The following CCSER1 variants were observed in gnomAD, a reference collection of about 807,000 sequenced individuals.
CCSER1 encodes the protein coiled-coil serine rich protein 1.
A neutral mutation model predicts 82.0 loss-of-function variants in CCSER1; 41 were observed. The observed-to-expected ratio is 0.50, with a 90% CI of 0.39 to 0.65. The LOEUF is 0.65. CCSER1 is among the 30% of genes least tolerant of loss of function. The pLI is 0.00. For missense variants in CCSER1, 1,119 were observed against 1,064.2 expected, an observed-to-expected ratio of 1.05 and a Z score of -0.72; for synonymous variants, 414 against 383.9, an observed-to-expected ratio of 1.08 and a Z score of -0.92.
At chr4:90,928,191 T>C (rs866311099) in intron 9 of CCSER1, among the ~76,000 whole-genome samples, 5 of 152,092 alleles carry the variant, frequency 3.3e-5, no homozygotes, top group African/African-American at 1.2e-4. Flanking sequence ...AATTGAGTTA[T>C]ATATTCCAGG....
chr4:90,932,964 A>AAG (rs1561384671), intron 9 of CCSER1, among the ~76,000 whole-genome samples: 1 of 46,512 alleles, frequency 2.1e-5, no homozygotes, highest in East Asian at 4.8e-4. Context: ...GAAAGAAAGA[A>AAG]AGAAAGAAAG....
intron 10 of CCSER1, among the ~76,000 whole-genome samples, chr4:91,136,116 C>G (rs1581622597): frequency 1.3e-5 from 2 of 152,056 alleles, no homozygotes; most frequent in South Asian, 4.1e-4. Flanking sequence ...TTTTGTCATC[C>G]AAAATTCCTC....
intron 10 of CCSER1, among the ~76,000 whole-genome samples, chr4:91,520,633 A>G (rs1246897694): frequency 6.6e-6 from 1 of 152,086 alleles, no homozygotes; most frequent in Non-Finnish European, 1.5e-5. Flanking sequence ...GTTTCTTCAT[A>G]TGGATTCAAG....
chr4:90,893,550 T>C (rs533031367), intron 8 of CCSER1, among the ~76,000 whole-genome samples: 117 of 152,204 alleles, frequency 7.7e-4, no homozygotes, highest in African/African-American at 2.6e-3. Flanking sequence ...GTCCTTCCGA[T>C]GCTGTCTCTG....
At chr4:90,359,353 A>G (rs1470178771) in intron 3 of CCSER1, among the ~76,000 whole-genome samples, 1 of 152,216 alleles carries the variant, frequency 6.6e-6, no homozygotes, top group Non-Finnish European at 1.5e-5. Flanking sequence ...TAAATTCAGT[A>G]GAGTATACCT....
intron 5 of CCSER1, among the ~76,000 whole-genome samples, chr4:90,487,548 C>T (rs1369668675): frequency 1.3e-5 from 2 of 152,150 alleles, no homozygotes; most frequent in Admixed American, 6.5e-5. Flanking sequence ...TGCATGGGTG[C>T]GTTTGCAGGT....
intron 9 of CCSER1, among the ~76,000 whole-genome samples, chr4:90,925,982 CA>C (rs1238494672): frequency 3.3e-5 from 5 of 151,784 alleles, no homozygotes; most frequent in Non-Finnish European, 7.4e-5. Flanking sequence ...AATACTTAAA[CA>C]AATCAAAAAT....
At chr4:91,449,567 C>G (rs886110099) in intron 10 of CCSER1, among the ~76,000 whole-genome samples, 1 of 152,004 alleles carries the variant, frequency 6.6e-6, no homozygotes, top group Admixed American at 6.6e-5. Context: ...TCTCTCTGAA[C>G]TTCACCATGG....
chr4:90,438,787 T>A (rs745752613), intron 4 of CCSER1, among the ~76,000 whole-genome samples: 4 of 152,010 alleles, frequency 2.6e-5, no homozygotes, highest in Non-Finnish European at 5.9e-5. Context: ...TATCTATCTA[T>A]CTATCTATCT....
At chr4:90,178,841 T>C (rs1733188571) in intron 1 of CCSER1, among the ~76,000 whole-genome samples, 1 of 152,226 alleles carries the variant, frequency 6.6e-6, no homozygotes, top group Non-Finnish European at 1.5e-5. Flanking sequence ...TATTTTTCAA[T>C]AAAATTCTAT....
intron 4 of CCSER1, among the ~76,000 whole-genome samples, chr4:90,456,998 C>T (rs546548240): frequency 2.2e-4 from 33 of 152,292 alleles, no homozygotes; most frequent in Admixed American, 7.8e-4. Flanking sequence ...GGCTCAGATC[C>T]GATGCCTGCC....
chr4:91,247,084 G>A (rs953457230), intron 10 of CCSER1, among the ~76,000 whole-genome samples: 3 of 151,804 alleles, frequency 2.0e-5, no homozygotes, highest in Admixed American at 6.6e-5. Context: ...GGTGGATCAC[G>A]AGGTCAGGAG....
chr4:90,838,850 T>G, intron 8 of CCSER1: 3 of 1,608,484 alleles, frequency 1.9e-6, no homozygotes, highest in Non-Finnish European at 2.5e-6. Context: ...AGAAGTAAAA[T>G]AAGAAGGCAA....
At chr4:90,387,193 G>A (rs1750193378) in intron 3 of CCSER1, among the ~76,000 whole-genome samples, 1 of 151,720 alleles carries the variant, frequency 6.6e-6, no homozygotes, top group South Asian at 2.1e-4. Flanking sequence ...TGTTACTTTA[G>A]TAAAATATTT....
chr4:90,932,961 A>AG lies in CCSER1; in HGVS notation c.2172+9515dup, dbSNP rs1412134531. Reference sequence around the variant, plus strand: ...AAGAAAGAAAGAAAGAAAGAAAGAAAGAAAGAAAGAAAGAAAGAAAGAGAA... The same window carrying AG: ...AAGAAAGAAAGAAAGAAAGAAAGAAAGGAAAGAAAGAAAGAAAGAAAGAGAA... On this transcript the variant is annotated intron_variant, in intron 9 of 10. Transcript: ENST00000509176. 1.4e-3 allele frequency among the ~76,000 whole-genome samples: 60 copies of AG among 41,414 alleles called. 11 individuals are homozygous for AG. The highest frequency in any genetic ancestry group is 0.011 in the African/African-American group (56 of 4,906). 27.2% of individuals were successfully genotyped at this position (41,414 alleles called of 152,430 possible). A position where few individuals can be genotyped will look rare whatever the true frequency, so the allele number is the denominator to read the frequency against.
intron 7 of CCSER1, among the ~76,000 whole-genome samples, chr4:90,725,558 C>G: frequency 6.6e-6 from 1 of 151,234 alleles, no homozygotes; most frequent in East Asian, 1.9e-4. Context: ...ATTTAATCAC[C>G]TATAAAATTA....
chr4:90,894,965 A>G (rs138804488), intron 8 of CCSER1, among the ~76,000 whole-genome samples: 1,919 of 152,104 alleles, frequency 0.013, 28 homozygotes, highest in African/African-American at 0.038. Context: ...ATAAATTTTA[A>G]AACTCTAAAA....
intron 6 of CCSER1, among the ~76,000 whole-genome samples, chr4:90,634,213 A>G (rs1725016833): frequency 1.3e-5 from 2 of 151,766 alleles, no homozygotes; most frequent in Admixed American, 6.6e-5. Context: ...CAGATAAGTA[A>G]AAATCAAGGA....
intron 4 of CCSER1, among the ~76,000 whole-genome samples, chr4:90,411,267 C>A (rs1179519976): frequency 1.3e-5 from 2 of 152,136 alleles, no homozygotes; most frequent in Admixed American, 6.5e-5. Context: ...CTCCCTAACT[C>A]ATTTTATGAG....
Sources: allele counts gnomAD v4.1 joint callset (sites outside exome capture counted in the v4.1 genomes callset), GRCh38; gene constraint gnomAD v4.1.1; transcripts MANE v1.5; gene names NCBI Gene and HGNC (gene_info 2026-07-23, HGNC 2026-07-21).